Variants in ICA1L observed in about 807,000 individuals in gnomAD.
The protein encoded by ICA1L is islet cell autoantigen 1-like protein.
Under a neutral mutation model 61.3 loss-of-function variants are expected in ICA1L, and 50 were observed. The ratio of observed to expected loss-of-function variants is 0.82; its 90% CI spans 0.65 to 1.03. ICA1L has a LOEUF of 1.03. Ranked by LOEUF, ICA1L falls within the 50% of genes least tolerant of loss-of-function variation. ICA1L has a pLI of 0.00. For missense variants in ICA1L, 508 were observed against 556.7 expected (o/e 0.91, Z 0.88); for synonymous variants, 161 against 191.3 (o/e 0.84, Z 1.31).
chr2:202,776,763 CAT>C lies in ICA1L; in HGVS notation c.*2768_*2769del, dbSNP rs1692235341. 6.6e-6 allele frequency: 1 copy of C among 152,282 alleles called. No homozygotes were observed. Among genetic ancestry groups the C allele is most frequent in the South Asian group, 2.1e-4 (1 of 4,828 alleles). 9.4% of individuals were successfully genotyped at this position (152,282 alleles called of 1,614,324 possible). A position where few individuals can be genotyped will look rare whatever the true frequency, so the allele number is the denominator to read the frequency against. On this transcript the variant is annotated 3_prime_UTR_variant, in exon 13 of 13. Coordinates refer to ENST00000358299, the MANE Select transcript of ICA1L (RefSeq NM_001288622.3). ...ATGTTGCTCTGGGTTAAATGGGAAA[CAT>C]ATACTCTGTTGAAAGAAGAAATGTT...
chr2:202,779,537 G>A lies in ICA1L; in HGVS notation c.1445C>T (p.Ala482Val). The change falls in exon 13 of 13, where the codon GCT becomes GTT. Residue 482 changes from alanine to valine, a missense_variant. Coordinates refer to ENST00000358299, the MANE Select transcript of ICA1L (RefSeq NM_001288622.3). Reference protein sequence around the residue: ...IGHSDDELLNA With the variant: ...IGHSDDELLNV ...GAAGTGACATTATAACTTCAGTCAA[G>A]CATTAAGAAGTTCATCATCTGAGTG... 1 of 1,572,612 alleles carries A rather than the reference G, an allele frequency of 6.4e-7. No individual in the cohort carries two copies. The highest frequency in any genetic ancestry group is 8.7e-7 in the Non-Finnish European group (1 of 1,145,712).
At position 202,817,408 on chromosome 2, in the gene ICA1L, A is replaced by G; in HGVS notation, c.684+10T>C. 6.4e-7 allele frequency: 1 copy of G among 1,565,388 alleles called. No individual in the cohort carries two copies. Among genetic ancestry groups the G allele is most frequent in the Non-Finnish European group, 8.7e-7 (1 of 1,154,656 alleles). On this transcript the variant is annotated intron_variant, in intron 6 of 12. Transcript: ENST00000358299. ...TACTGCAAGGATATGCTGACCATGG[A>G]GGTGGGTACCTGGTAGGTAGTGAGC...
intron 6 of ICA1L, among the ~76,000 whole-genome samples, chr2:202,816,838 C>A (rs1471230708): frequency 6.6e-6 from 1 of 152,066 alleles, no homozygotes; most frequent in East Asian, 1.9e-4. Context: ...CTAACTTATT[C>A]ATTGTGTGTT....
chr2:202,830,062 A>G (rs1693971819), intron 1 of ICA1L, among the ~76,000 whole-genome samples: 1 of 152,238 alleles, frequency 6.6e-6, no homozygotes. Flanking sequence ...GATATGTTAT[A>G]AAAGAAATAC....
chr2:202,785,328 C>T (rs926459600), intron 12 of ICA1L, among the ~76,000 whole-genome samples: 2 of 152,034 alleles, frequency 1.3e-5, no homozygotes, highest in Non-Finnish European at 2.9e-5. Flanking sequence ...CATCTTGTAT[C>T]CCTAATTTTA....
In ICA1L at chr2:202,796,876, G is replaced by A; in HGVS notation, c.985+14C>T. On this transcript the variant is annotated intron_variant, in intron 10 of 12. Coordinates refer to ENST00000358299, the MANE Select transcript of ICA1L (RefSeq NM_001288622.3). ...TTAAAGAATCATTCATATGTAGAGT[G>A]AAATGATTCTTACCATTTTCAGAGT... 1 of 1,452,672 alleles carries A rather than the reference G, an allele frequency of 6.9e-7. No individual in the cohort carries two copies. Among genetic ancestry groups the A allele is most frequent in the Non-Finnish European group, 9.5e-7 (1 of 1,053,044 alleles). The allele number at this position is 1,452,672 out of a possible 1,614,324, so 90.0% of individuals were successfully genotyped here.
intron 1 of ICA1L, chr2:202,871,020 G>C (rs1409860530): frequency 1.3e-5 from 2 of 152,240 alleles, no homozygotes; most frequent in Non-Finnish European, 2.9e-5. Flanking sequence ...ATCTGTGCGC[G>C]GAGCCCCTCG....
At chr2:202,865,639 A>T (rs565195179) in intron 1 of ICA1L, among the ~76,000 whole-genome samples, 34 of 152,346 alleles carry the variant, frequency 2.2e-4, no homozygotes, top group Middle Eastern at 3.4e-3. Context: ...CACAGGTGAC[A>T]TGATTATGTA....
chr2:202,828,908 T>C lies in ICA1L; in HGVS notation c.102A>G (p.Thr34=), dbSNP rs762820573. The C allele has an allele frequency of 3.1e-6, 5 of 1,613,816 alleles. No individual in the cohort carries two copies. Among genetic ancestry groups the C allele is most frequent in the Non-Finnish European group, 4.2e-6 (5 of 1,179,900 alleles). The change falls in exon 2 of 13, where the codon ACA becomes ACG. Residue 34 remains threonine (T), a synonymous_variant. Transcript: ENST00000358299. ...WKTKQVFIKA[T]GKKEDEHLVA... is the part of the protein sequence containing the mutation. ...CCAAGTGCTCATCCTCTTTTTTTCCTGTTGCTTTGATAAAGACCTGTTTAG... is the reference window on the plus strand; with the variant it reads ...CCAAGTGCTCATCCTCTTTTTTTCCCGTTGCTTTGATAAAGACCTGTTTAG...
chr2:202,781,543 C>T (rs1268624046), intron 12 of ICA1L, among the ~76,000 whole-genome samples: 4 of 149,842 alleles, frequency 2.7e-5, no homozygotes, highest in Admixed American at 6.7e-5. Flanking sequence ...CACTGCACTC[C>T]AGCCTGGGTG....
At chr2:202,824,230 G>A (rs1411526851) in intron 3 of ICA1L, among the ~76,000 whole-genome samples, 3 of 152,032 alleles carry the variant, frequency 2.0e-5, no homozygotes, top group East Asian at 1.9e-4. Context: ...GTGAAACCCC[G>A]TCTCTACTAA....
In ICA1L at chr2:202,788,914, C is replaced by G. The variant is rs1251435710; in HGVS notation, c.1159G>C (p.Gly387Arg). Residue 387 changes from glycine (G) to arginine (R), a missense_variant, in exon 11 of 13, where the codon GGG becomes CGG. Transcript: ENST00000358299. Reference sequence around the variant, plus strand: ...GAAGAATGAGCGAGGGGCTCAGACCCCATGGAAGGCTCCTGGGATGTGAGA... The same window carrying G: ...GAAGAATGAGCGAGGGGCTCAGACCGCATGGAAGGCTCCTGGGATGTGAGA... Reference protein sequence around the residue: ...ASLTSQEPSMGSEPLAHSSRF... With the variant: ...ASLTSQEPSMRSEPLAHSSRF... The G allele has an allele frequency of 3.1e-6, 5 of 1,613,986 alleles. No individual in the cohort carries two copies. Among genetic ancestry groups the G allele is most frequent in the East Asian group, 2.2e-5 (1 of 44,894 alleles).
At chr2:202,857,621 A>C (rs1694801836) in intron 1 of ICA1L, among the ~76,000 whole-genome samples, 1 of 152,228 alleles carries the variant, frequency 6.6e-6, no homozygotes, top group Admixed American at 6.5e-5. Flanking sequence ...CAAAATTGAC[A>C]AATGGGATCT....
chr2:202,852,041 T>A (rs1393195280), intron 1 of ICA1L, among the ~76,000 whole-genome samples: 1 of 152,234 alleles, frequency 6.6e-6, no homozygotes, highest in Non-Finnish European at 1.5e-5. Flanking sequence ...TTGGCTTTTG[T>A]TGCCATTGCT....
chr2:202,840,373 A>G (rs1274443730), intron 1 of ICA1L: 6 of 489,714 alleles, frequency 1.2e-5, no homozygotes, highest in East Asian at 5.3e-5. Context: ...CCAGCTTCCC[A>G]TCGTGGATCT....
At chr2:202,791,801 T>C (rs6746773) in intron 10 of ICA1L, among the ~76,000 whole-genome samples, 127,441 of 152,134 alleles carry the variant, frequency 0.84, 53,594 homozygotes, top group Middle Eastern at 0.88. Context: ...GCTGAGATTG[T>C]GCCATTGCAC....
At chr2:202,854,890 G>T (rs1000069047) in intron 1 of ICA1L, among the ~76,000 whole-genome samples, 5 of 152,134 alleles carry the variant, frequency 3.3e-5, no homozygotes, top group Non-Finnish European at 7.3e-5. Flanking sequence ...GCTGGGCGTG[G>T]TGGTGGGCGC....
intron 1 of ICA1L, among the ~76,000 whole-genome samples, chr2:202,853,354 C>CAA (rs565006368): frequency 1.6e-4 from 15 of 94,428 alleles, no homozygotes; most frequent in African/African-American, 5.1e-4. Context: ...GAGACTCCGT[C>CAA]AAAAAAAAAA....
intron 9 of ICA1L, among the ~76,000 whole-genome samples, chr2:202,801,209 T>C (rs1693078302): frequency 1.3e-5 from 2 of 152,154 alleles, no homozygotes; most frequent in Non-Finnish European, 2.9e-5. Context: ...TAAAGGATCT[T>C]TAAGGAAATG....
Sources: gnomAD v4.1 joint callset for allele counts (sites outside exome capture counted in the v4.1 genomes callset) on GRCh38, gnomAD v4.1.1 for gene constraint, MANE v1.5 for transcripts, NCBI Gene and HGNC (gene_info 2026-07-23, HGNC 2026-07-21) for gene names.